The following GRM8 variants were observed in gnomAD, a reference collection of about 807,000 sequenced individuals.
GRM8 encodes the protein metabotropic glutamate receptor 8.
GRM8 carries 47 observed loss-of-function variants against 87.2 expected under a neutral mutation model. That is an observed-to-expected ratio of 0.54 (90% confidence interval 0.43 to 0.69). The LOEUF (loss-of-function observed/expected upper bound fraction) is 0.69, where lower values mean the gene tolerates loss of function less well. Among genes scored for constraint, GRM8 ranks in the 30% least tolerant of loss-of-function variants. GRM8 has a pLI of 0.00. For missense variants in GRM8, 1,019 were observed against 1,139.2 expected (o/e 0.89, Z 1.52); for synonymous variants, 396 against 404.5 (o/e 0.98, Z 0.25).
chr7:126,470,008 T>C (rs1411966610), intron 9 of GRM8, among the ~76,000 whole-genome samples: 1 of 152,002 alleles, frequency 6.6e-6, no homozygotes, highest in African/African-American at 2.4e-5. Context: ...ATATCAACAA[T>C]GAATCCAGGC....
rs368269629 is a variant in GRM8 at position 126,703,678 on chromosome 7, A to G, written c.1357+66187T>C. ...GGCCTTGAGCGACCCTCTTGCCTCA[A>G]TCTTTCAAGTGTCTAGGACTACAGG... On this transcript the variant is annotated intron_variant, in intron 7 of 10. Transcript: ENST00000339582. Among the ~76,000 whole-genome samples, 14 of 152,218 alleles carry G rather than the reference A, an allele frequency of 9.2e-5. No individual in the cohort carries two copies. The East Asian group carries it at 2.5e-3, about 27-fold the overall frequency.
chr7:127,185,212 T>C (rs1475102069), intron 2 of GRM8, among the ~76,000 whole-genome samples: 1 of 151,996 alleles, frequency 6.6e-6, no homozygotes, highest in Non-Finnish European at 1.5e-5. Flanking sequence ...AAACTTACTA[T>C]AAAGGCACAA....
rs372733476 is a variant in GRM8 at position 126,775,479 on chromosome 7, G to GTTTTTTTTTTTTTT, written c.1157-5428_1157-5415dup. The stretch of plus-strand genomic sequence containing the variant: ...TGAGCGCTATCAAGCTGACAAATAG[G>GTTTTTTTTTTTTTT]TTTTTTTTTTTTTTTTTTTTTTTTT... On this transcript the variant is annotated intron_variant, in intron 6 of 10. Coordinates refer to ENST00000339582, the MANE Select transcript of GRM8 (RefSeq NM_000845.3). Among the ~76,000 whole-genome samples the GTTTTTTTTTTTTTT allele has an allele frequency of 9.7e-4, 102 of 104,754 alleles. 6 individuals carry two copies. Among genetic ancestry groups the GTTTTTTTTTTTTTT allele is most frequent in the African/African-American group, 4.3e-3 (98 of 23,054 alleles). 68.7% of individuals were successfully genotyped at this position (104,754 alleles called of 152,430 possible).
intron 7 of GRM8, among the ~76,000 whole-genome samples, chr7:126,624,909 G>T (rs191381379): frequency 6.6e-6 from 1 of 152,320 alleles, no homozygotes; most frequent in Non-Finnish European, 1.5e-5. Flanking sequence ...GGATTCCAGC[G>T]TGAGTGCATG....
intron 3 of GRM8, chr7:127,058,074 C>T (rs1018244105): frequency 2.1e-6 from 1 of 466,472 alleles, no homozygotes. Flanking sequence ...TCTGGAATCA[C>T]GTCTTTAACT....
chr7:126,918,395 C>G (rs1563315599), intron 3 of GRM8, among the ~76,000 whole-genome samples: 1 of 152,116 alleles, frequency 6.6e-6, no homozygotes. Flanking sequence ...AATAAACACC[C>G]TGCTTTATGT....
intron 5 of GRM8, among the ~76,000 whole-genome samples, chr7:126,903,627 G>A (rs1228271498): frequency 4.4e-5 from 4 of 91,098 alleles, no homozygotes; most frequent in Admixed American, 1.2e-4. Context: ...ATATATATAT[G>A]TATATGTGTA....
intron 8 of GRM8, among the ~76,000 whole-genome samples, chr7:126,597,500 G>C (rs774953892): frequency 4.6e-5 from 7 of 151,902 alleles, no homozygotes; most frequent in Non-Finnish European, 8.8e-5. Flanking sequence ...CTCCATCCCA[G>C]AGCTTCATTT....
At chr7:126,944,674 T>C (rs1248727894) in intron 3 of GRM8, among the ~76,000 whole-genome samples, 1 of 151,954 alleles carries the variant, frequency 6.6e-6, no homozygotes, top group Non-Finnish European at 1.5e-5. Flanking sequence ...AAAGATAACA[T>C]AAACTAAGCA....
intron 3 of GRM8, among the ~76,000 whole-genome samples, chr7:127,070,251 A>G (rs1290722152): frequency 2.6e-5 from 4 of 152,284 alleles, no homozygotes; most frequent in East Asian, 3.9e-4. Flanking sequence ...TCTGTCGACA[A>G]GTGTGCTTGT....
intron 7 of GRM8, among the ~76,000 whole-genome samples, chr7:126,696,834 A>C (rs1809436612): frequency 6.6e-6 from 1 of 152,144 alleles, no homozygotes; most frequent in South Asian, 2.1e-4. Flanking sequence ...CCACCCAGGA[A>C]GTGAAACCAT....
intron 3 of GRM8, among the ~76,000 whole-genome samples, chr7:126,965,164 T>C (rs1330848034): frequency 4.0e-5 from 6 of 151,720 alleles, no homozygotes; most frequent in Admixed American, 1.3e-4. Context: ...TGTCAGGCGG[T>C]TGGGGGGTCA....
At position 126,460,522 on chromosome 7, in the gene GRM8, A is replaced by G. The variant is rs940029472; in HGVS notation, c.2431-14150T>C. Among the ~76,000 whole-genome samples the G allele has an allele frequency of 5.3e-4, 80 of 151,736 alleles. 1 individual carries two copies. The highest frequency in any genetic ancestry group is 8.3e-4 in the South Asian group (4 of 4,816). Reference sequence around the variant, plus strand: ...GTGGAGAAGGCTTTGACCAGTACTCATAACTCTAGACCACAGACAAAAAGT... The same window carrying G: ...GTGGAGAAGGCTTTGACCAGTACTCGTAACTCTAGACCACAGACAAAAAGT... On this transcript the variant is annotated intron_variant, in intron 9 of 10. Transcript: ENST00000339582.
At chr7:126,617,794 A>G (rs933096969) in intron 7 of GRM8, among the ~76,000 whole-genome samples, 4 of 152,236 alleles carry the variant, frequency 2.6e-5, no homozygotes, top group Non-Finnish European at 2.9e-5. Context: ...CAAAGAGAAT[A>G]AAATACCTAG....
At chr7:127,173,228 G>T (rs1793918039) in intron 2 of GRM8, among the ~76,000 whole-genome samples, 1 of 152,142 alleles carries the variant, frequency 6.6e-6, no homozygotes, top group South Asian at 2.1e-4. Flanking sequence ...AAAAAATAAT[G>T]AATTCAGCAT....
At chr7:126,612,602 T>C (rs1799029413) in intron 7 of GRM8, among the ~76,000 whole-genome samples, 1 of 152,216 alleles carries the variant, frequency 6.6e-6, no homozygotes, top group Non-Finnish European at 1.5e-5. Context: ...CAAACATTTA[T>C]TGCACAGATA....
At chr7:126,629,215 C>A (rs949034356) in intron 7 of GRM8, among the ~76,000 whole-genome samples, 1 of 152,260 alleles carries the variant, frequency 6.6e-6, no homozygotes, top group South Asian at 2.1e-4. Flanking sequence ...TCTAAAGCAG[C>A]TTTTCTGCAC....
intron 6 of GRM8, among the ~76,000 whole-genome samples, chr7:126,863,276 A>C (rs1304917770): frequency 1.3e-5 from 2 of 152,096 alleles, no homozygotes; most frequent in Non-Finnish European, 2.9e-5. Context: ...TATTTTTTAT[A>C]GTTGGTGCCA....
intron 2 of GRM8, among the ~76,000 whole-genome samples, chr7:127,130,908 C>A (rs1471404074): frequency 1.3e-5 from 2 of 152,134 alleles, no homozygotes; most frequent in Non-Finnish European, 2.9e-5. Context: ...TTTCCTGAGG[C>A]CTTTACAGCC....
Sources: gnomAD v4.1 joint callset for allele counts (sites outside exome capture counted in the v4.1 genomes callset) on GRCh38, gnomAD v4.1.1 for gene constraint, MANE v1.5 for transcripts, NCBI Gene and HGNC (gene_info 2026-07-23, HGNC 2026-07-21) for gene names.